Variants in PNLIPRP3 observed in about 807,000 individuals in gnomAD.
The protein encoded by PNLIPRP3 is pancreatic lipase-related protein 3.
In PNLIPRP3, 58 loss-of-function variants were observed where a neutral mutation model predicts 52.8. The observed-to-expected ratio is 1.10, with a 90% CI of 0.89 to 1.37. The LOEUF is 1.37. Ranked by LOEUF, PNLIPRP3 falls within the 40% of genes most tolerant of loss-of-function variation. PNLIPRP3 has a pLI of 0.00. For missense variants in PNLIPRP3, 593 were observed against 561.6 expected (o/e 1.06, Z -0.57); for synonymous variants, 192 against 185.0 (o/e 1.04, Z -0.31).
rs187600319 is a variant in PNLIPRP3, at chr10:116,437,074, G to C, written c.204+209G>C. ...TATATCTGATTTAAATATGAAGATT[G>C]CTCTTATGTTATTTCATAACAGGTA... On this transcript the variant is annotated intron_variant, in intron 2 of 11. Transcript: ENST00000369230. Among the ~76,000 whole-genome samples the C allele has an allele frequency of 3.3e-3, 494 of 148,390 alleles. 4 individuals carry two copies. The highest frequency in any genetic ancestry group is 0.012 in the African/African-American group (468 of 40,106).
chr10:116,452,103 T>C (rs1418424572), intron 4 of PNLIPRP3, among the ~76,000 whole-genome samples: 1 of 152,138 alleles, frequency 6.6e-6, no homozygotes, highest in Non-Finnish European at 1.5e-5. Flanking sequence ...GGAGTAAGGG[T>C]CACCCATGTT....
At chr10:116,447,953 T>G (rs1383229010) in intron 4 of PNLIPRP3, among the ~76,000 whole-genome samples, 3 of 39,016 alleles carry the variant, frequency 7.7e-5, no homozygotes, top group African/African-American at 1.2e-4. Context: ...AGAGTGAGAC[T>G]CCATCAAAAA....
chr10:116,470,897 C>A (rs1846360389), intron 9 of PNLIPRP3, among the ~76,000 whole-genome samples: 1 of 152,034 alleles, frequency 6.6e-6, no homozygotes. Context: ...TGAGACAGGG[C>A]CCCATAGAGG....
chr10:116,465,500 A>T (rs1217466963), intron 7 of PNLIPRP3, among the ~76,000 whole-genome samples: 1 of 151,880 alleles, frequency 6.6e-6, no homozygotes, highest in Non-Finnish European at 1.5e-5. Context: ...GCACCACTGC[A>T]CTCCAGCCTG....
Position 116,461,126 on chromosome 10 carries a change from G to A in PNLIPRP3, c.685+41G>A, listed in dbSNP as rs187436022. 1,460 of 1,614,088 alleles carry A rather than the reference G, an allele frequency of 9.0e-4. 14 individuals are homozygous for A. The African/African-American group carries it at 0.018, about 20-fold the overall frequency. On this transcript the variant is annotated intron_variant, in intron 6 of 11. Transcript: ENST00000369230. ...ATCAGAAACTTCATTGAAGCATAGA[G>A]GAGATTTTTAGAGGCATTTACCCTG...
chr10:116,452,166 G>T (rs951578158), intron 4 of PNLIPRP3, among the ~76,000 whole-genome samples: 1 of 152,164 alleles, frequency 6.6e-6, no homozygotes, highest in African/African-American at 2.4e-5. Flanking sequence ...GGGATCTGTG[G>T]TATGTTGAAC....
chr10:116,436,201 A>G lies in PNLIPRP3; in HGVS notation c.50-510A>G, dbSNP rs1845771242. 2.6e-5 allele frequency among the ~76,000 whole-genome samples: 4 copies of G among 152,316 alleles called. No individual in the cohort carries two copies. The South Asian group carries it at 8.3e-4, about 32-fold the overall frequency. The stretch of plus-strand genomic sequence containing the variant: ...TACAAAATTATAAACCTGTGTGTAT[A>G]TGGTCAGCTAGTCTTTGACAAGGGT... On this transcript the variant is annotated intron_variant, in intron 1 of 11. Coordinates refer to ENST00000369230, the MANE Select transcript of PNLIPRP3 (RefSeq NM_001011709.3).
chr10:116,447,265 A>T (rs142047449), intron 4 of PNLIPRP3, among the ~76,000 whole-genome samples: 109 of 152,300 alleles, frequency 7.2e-4, no homozygotes, highest in African/African-American at 2.5e-3. Context: ...AAGAATGAAG[A>T]TAGTAGTTTG....
At chr10:116,467,802 G>A (rs1478572575) in intron 8 of PNLIPRP3, among the ~76,000 whole-genome samples, 1 of 152,056 alleles carries the variant, frequency 6.6e-6, no homozygotes, top group Non-Finnish European at 1.5e-5. Context: ...CTACTAATGT[G>A]AGTTTTTATT....
At chr10:116,473,336 A>G (rs1846404416) in intron 10 of PNLIPRP3, among the ~76,000 whole-genome samples, 2 of 152,250 alleles carry the variant, frequency 1.3e-5, no homozygotes, top group Non-Finnish European at 2.9e-5. Flanking sequence ...TATCATTAAA[A>G]TGGCAATATC....
At chr10:116,476,897 T>C (rs1003782911) in intron 11 of PNLIPRP3, 78 bp downstream of exon 11, 1 of 1,394,362 alleles carries the variant, frequency 7.2e-7, no homozygotes, top group African/African-American at 1.5e-5. Context: ...TAATTTGAAA[T>C]GTGCAAGTAG....
chr10:116,436,584 T>C (rs1589975333), intron 1 of PNLIPRP3, 127 bp from the exon 2 acceptor site: 2 of 994,642 alleles, frequency 2.0e-6, no homozygotes, highest in Admixed American at 2.7e-5. Context: ...GGAGAAAATA[T>C]TTTCAAGCCA....
intron 4 of PNLIPRP3, among the ~76,000 whole-genome samples, chr10:116,450,595 C>T (rs1018451092): frequency 1.3e-5 from 2 of 151,938 alleles, no homozygotes; most frequent in East Asian, 1.9e-4. Flanking sequence ...AGAAGACTAA[C>T]ATTTAAAAAA....
intron 8 of PNLIPRP3, among the ~76,000 whole-genome samples, chr10:116,467,776 T>G (rs915782571): frequency 4.6e-5 from 7 of 152,106 alleles, no homozygotes; most frequent in African/African-American, 1.7e-4. Flanking sequence ...CAGGCATAAT[T>G]TATTGATTAG....
At chr10:116,432,839 G>A (rs1017294486) in intron 1 of PNLIPRP3, among the ~76,000 whole-genome samples, 7 of 152,052 alleles carry the variant, frequency 4.6e-5, no homozygotes, top group Non-Finnish European at 8.8e-5. Flanking sequence ...GAGTGGCCAG[G>A]CACGGTGGCT....
chr10:116,454,491 A>G (rs1366933207), intron 4 of PNLIPRP3, among the ~76,000 whole-genome samples: 1 of 152,194 alleles, frequency 6.6e-6, no homozygotes, highest in African/African-American at 2.4e-5. Context: ...ATGCATTACT[A>G]TTAATGCTAA....
At position 116,477,297 on chromosome 10, in the gene PNLIPRP3, C is replaced by A; in HGVS notation, c.*144C>A. 1 of 549,668 alleles carries A rather than the reference C, an allele frequency of 1.8e-6. No individual in the cohort carries two copies. The highest frequency in any genetic ancestry group is 3.1e-6 in the Non-Finnish European group (1 of 327,556). 34.0% of individuals were successfully genotyped at this position (549,668 alleles called of 1,614,324 possible). On this transcript the variant is annotated 3_prime_UTR_variant, in exon 12 of 12. Transcript: ENST00000369230. The stretch of plus-strand genomic sequence containing the variant: ...TTACTCAGAGTCAAGTACGGGTTTG[C>A]TTTTTTTCTGTGTAGAATGTTCATC...
At chr10:116,437,326 C>T (rs780373052) in intron 2 of PNLIPRP3, among the ~76,000 whole-genome samples, 1 of 152,112 alleles carries the variant, frequency 6.6e-6, no homozygotes, top group Non-Finnish European at 1.5e-5. Context: ...AAGAAGAGCT[C>T]ACCTTGAGGT....
At chr10:116,446,695 A>G (rs996521371) in intron 4 of PNLIPRP3, among the ~76,000 whole-genome samples, 8 of 152,226 alleles carry the variant, frequency 5.3e-5, no homozygotes, top group Admixed American at 5.2e-4. Flanking sequence ...CAACAGTAAC[A>G]GACAAATTTT....
Sources: allele counts gnomAD v4.1 joint callset (sites outside exome capture counted in the v4.1 genomes callset), GRCh38; gene constraint gnomAD v4.1.1; transcripts MANE v1.5; gene names NCBI Gene and HGNC (gene_info 2026-07-23, HGNC 2026-07-21).